The following SYNRG variants were observed in gnomAD, a reference collection of about 807,000 sequenced individuals.
SYNRG encodes the protein AP1 gamma subunit binding protein 1.
Under a neutral mutation model 130.9 loss-of-function variants are expected in SYNRG, and 37 were observed. That is an observed-to-expected ratio of 0.28 (90% CI 0.22 to 0.37). The LOEUF (loss-of-function observed/expected upper bound fraction) is 0.37. SYNRG is among the 10% of genes least tolerant of loss of function. The pLI is 1.00. For missense variants in SYNRG, 1,338 were observed against 1,588.9 expected (o/e 0.84, Z 2.68); for synonymous variants, 539 against 568.1 (o/e 0.95, Z 0.73).
At chr17:37,526,667 C>T (rs2055962367) in intron 19 of SYNRG, among the ~76,000 whole-genome samples, 1 of 152,164 alleles carries the variant, frequency 6.6e-6, no homozygotes, top group Non-Finnish European at 1.5e-5. Context: ...CATTCCCTGA[C>T]TTGTGGTCCC....
rs761803444 is a variant in SYNRG, at chr17:37,516,372, T to A, written c.*2568A>T. 2 of 152,238 alleles carry A rather than the reference T, an allele frequency of 1.3e-5. No individual in the cohort carries two copies. The highest frequency in any genetic ancestry group is 2.4e-5 in the African/African-American group (1 of 41,458). The allele number at this position is 152,238 out of a possible 1,614,324, so 9.4% of individuals were successfully genotyped here. The stretch of plus-strand genomic sequence containing the variant: ...AAACATTTCAAGTATTCAAGAGATA[T>A]GAAAGGTAGTGAATACTTTTCATAG... On this transcript the variant is annotated 3_prime_UTR_variant, in exon 22 of 22. Coordinates refer to ENST00000612223, the MANE Select transcript of SYNRG (RefSeq NM_007247.6).
chr17:37,600,324 A>T, intron 2 of SYNRG, 39 bp downstream of exon 2: 2 of 1,529,528 alleles, frequency 1.3e-6, no homozygotes, highest in Non-Finnish European at 1.8e-6. Context: ...GAAACACAAG[A>T]GTGAAAAATA....
At chr17:37,535,264 T>TAA (rs943295861) in intron 19 of SYNRG, among the ~76,000 whole-genome samples, 12 of 147,668 alleles carry the variant, frequency 8.1e-5, no homozygotes, top group African/African-American at 2.7e-4. Flanking sequence ...CTCATGAAAT[T>TAA]AAAAAAAAAA....
At position 37,542,452 on chromosome 17, in the gene SYNRG, G is replaced by C. The variant is rs777665331; in HGVS notation, c.2722C>G (p.Leu908Val). Reference sequence around the variant, plus strand: ...CCTGCTGAGAGGACAAATGGAGAGAGTTTTCTGCCCTGAGTTGCATCATCC... The same window carrying C: ...CCTGCTGAGAGGACAAATGGAGAGACTTTTCTGCCCTGAGTTGCATCATCC... ...DRDDATQGRK[L>V]SPFVLSAGSG... Residue 908 changes from leucine (L) to valine (V), a missense_variant, in exon 15 of 22, where the codon CTC becomes GTC. By Grantham distance (32) the Leu-to-Val change is conservative (BLOSUM62 1). Around this residue, in one of 3 missense-constraint regions of SYNRG, gnomAD observed 1,146 missense variants for 1,342.3 expected, o/e 0.85. Coordinates refer to ENST00000612223, the MANE Select transcript of SYNRG (RefSeq NM_007247.6). The C allele has an allele frequency of 6.2e-7, 1 of 1,614,086 alleles. No homozygotes were observed. The highest frequency in any genetic ancestry group is 8.5e-7 in the Non-Finnish European group (1 of 1,180,018).
At chr17:37,520,331 C>T in intron 20 of SYNRG, 117 bp from the exon 21 acceptor site, 1 of 1,382,842 alleles carries the variant, frequency 7.2e-7, no homozygotes, top group South Asian at 1.2e-5. Flanking sequence ...GCACAGGGTG[C>T]TGCAGGCATG....
chr17:37,608,090 T>A (rs1255417564), intron 1 of SYNRG, among the ~76,000 whole-genome samples: 1 of 151,502 alleles, frequency 6.6e-6, no homozygotes, highest in Admixed American at 6.6e-5. Context: ...AACCCTCTAA[T>A]GAAACAACGG....
intron 19 of SYNRG, 91 bp from the exon 20 acceptor site, chr17:37,520,739 G>C: frequency 1.9e-6 from 2 of 1,033,396 alleles, no homozygotes; most frequent in Non-Finnish European, 3.0e-6. Flanking sequence ...AGCAGGCCTA[G>C]CGGCAAGTAC....
chr17:37,586,896 A>T (rs1033259205), intron 3 of SYNRG, among the ~76,000 whole-genome samples: 6 of 152,130 alleles, frequency 3.9e-5, no homozygotes, highest in Non-Finnish European at 5.9e-5. Flanking sequence ...GAGAAGAGGC[A>T]TTATATCTTA....
chr17:37,607,723 AG>A (rs1257955771), intron 1 of SYNRG, among the ~76,000 whole-genome samples: 1 of 152,112 alleles, frequency 6.6e-6, no homozygotes, highest in East Asian at 1.9e-4. Context: ...CGGGAGGTCG[AG>A]GTTGCAGTGA....
intron 8 of SYNRG, among the ~76,000 whole-genome samples, chr17:37,574,985 C>T (rs1206884092): frequency 2.0e-5 from 3 of 152,084 alleles, no homozygotes; most frequent in African/African-American, 7.2e-5. Context: ...AATTGAGATC[C>T]TGTCATTTCC....
intron 6 of SYNRG, among the ~76,000 whole-genome samples, chr17:37,582,189 G>A (rs2061390427): frequency 6.6e-6 from 1 of 151,762 alleles, no homozygotes; most frequent in African/African-American, 2.4e-5. Context: ...AATGGCTCTT[G>A]TCTGAAAAAT....
At chr17:37,534,646 A>G (rs1333470827) in intron 19 of SYNRG, among the ~76,000 whole-genome samples, 3 of 151,132 alleles carry the variant, frequency 2.0e-5, no homozygotes, top group Non-Finnish European at 4.4e-5. Flanking sequence ...TTTTTTTTTT[A>G]ATTATCTACA....
chr17:37,572,426 G>A (rs193025485), intron 8 of SYNRG, among the ~76,000 whole-genome samples: 175 of 149,488 alleles, frequency 1.2e-3, no homozygotes, highest in African/African-American at 3.6e-3. Flanking sequence ...GTGAGACTCC[G>A]TTTCAAAAAA....
chr17:37,555,187 T>G (rs1411073224), intron 13 of SYNRG, among the ~76,000 whole-genome samples: 1 of 152,132 alleles, frequency 6.6e-6, no homozygotes, highest in Non-Finnish European at 1.5e-5. Flanking sequence ...AGTACAATGG[T>G]GTGATCTCAG....
At chr17:37,550,789 T>A (rs1459578540) in intron 14 of SYNRG, among the ~76,000 whole-genome samples, 1 of 151,888 alleles carries the variant, frequency 6.6e-6, no homozygotes, top group Non-Finnish European at 1.5e-5. Context: ...GCTACAGAAG[T>A]CTTGCTAACC....
chr17:37,539,374 G>A, intron 16 of SYNRG, 129 bp from the exon 17 acceptor site: 1 of 984,762 alleles, frequency 1.0e-6, no homozygotes. Context: ...AGCAGTTTAT[G>A]TTTTTTTTGT....
intron 15 of SYNRG, chr17:37,540,785 C>G: frequency 1.4e-6 from 1 of 725,276 alleles, no homozygotes; most frequent in Non-Finnish European, 1.9e-6. Flanking sequence ...CAGGTGCACA[C>G]CATCATGCCT....
chr17:37,596,096 TTTG>T (rs1384485907), intron 3 of SYNRG, 124 bp downstream of exon 3: 3 of 1,098,368 alleles, frequency 2.7e-6, no homozygotes, highest in African/African-American at 1.6e-5. Flanking sequence ...TTCATTTTAG[TTTG>T]AAGGAAGCCA....
Position 37,568,943 on chromosome 17 carries a change from T to G in SYNRG, c.1348-19A>C. ...TTACTACCTAGGTTTATAAAGGTCA[T>G]TTAAATAAATAGCACTGACTGACAA... On this transcript the variant is annotated intron_variant, in intron 10 of 21. Coordinates refer to ENST00000612223, the MANE Select transcript of SYNRG (RefSeq NM_007247.6). The G allele has an allele frequency of 6.2e-7, 1 of 1,603,946 alleles. No homozygotes were observed. The highest frequency in any genetic ancestry group is 8.5e-7 in the Non-Finnish European group (1 of 1,176,280).
Sources: gnomAD v4.1 joint callset for allele counts (sites outside exome capture counted in the v4.1 genomes callset) on GRCh38, gnomAD v4.1.1 for gene constraint, gnomAD v4.1.1 regional missense constraint, MANE v1.5 for transcripts, NCBI Gene and HGNC (gene_info 2026-07-23, HGNC 2026-07-21) for gene names.